Variants in NUP210L observed in about 807,000 individuals in gnomAD.
NUP210L encodes nuclear pore membrane glycoprotein 210-like.
NUP210L carries 74 observed loss-of-function variants against 208.5 expected under a neutral mutation model. The ratio of observed to expected loss-of-function variants is 0.35; its 90% CI spans 0.29 to 0.43. NUP210L has a LOEUF of 0.43. Ranked by LOEUF, NUP210L falls within the 20% of genes least tolerant of loss-of-function variation. The pLI is 1.00. For missense variants in NUP210L, 1,843 were observed against 2,289.4 expected, an observed-to-expected ratio of 0.81 and a Z score of 3.98; for synonymous variants, 780 against 816.9, an observed-to-expected ratio of 0.95 and a Z score of 0.77.
intron 6 of NUP210L, among the ~76,000 whole-genome samples, chr1:154,137,808 G>T (rs539248552): frequency 7.4e-4 from 113 of 152,294 alleles, no homozygotes; most frequent in Non-Finnish European, 1.1e-3. Flanking sequence ...CAATCTTCCT[G>T]CCTCAGCTTC....
In NUP210L at chr1:154,150,727, C is replaced by CAAAAAAAAAAAAAAAAAAAAAAAAAAA. The variant is rs1156928758; in HGVS notation, c.340+2008_340+2009insTTTTTTTTTTTTTTTTTTTTTTTTTTT. Among the ~76,000 whole-genome samples, 2 of 39,672 alleles carry CAAAAAAAAAAAAAAAAAAAAAAAAAAA rather than the reference C, an allele frequency of 5.0e-5. 1 individual carries two copies. Among genetic ancestry groups the CAAAAAAAAAAAAAAAAAAAAAAAAAAA allele is most frequent in the Non-Finnish European group, 1.1e-4 (2 of 17,588 alleles). 26.0% of individuals were successfully genotyped at this position (39,672 alleles called of 152,430 possible). On this transcript the variant is annotated intron_variant, in intron 2 of 39. Transcript: ENST00000368559. ...TGGATAACACAGCAAGACTCCATCT[C>CAAAAAAAAAAAAAAAAAAAAAAAAAAA]AAAAAAAAAAAAAAAAAAAAAGGAC...
At chr1:154,056,718 C>T in intron 23 of NUP210L, 97 bp downstream of exon 23, 1 of 1,279,006 alleles carries the variant, frequency 7.8e-7, no homozygotes, top group Non-Finnish European at 1.1e-6. Flanking sequence ...CTGTGCCCAG[C>T]CAGTCAAATG....
chr1:154,015,318 GCAAA>G (rs1242126312), intron 33 of NUP210L, among the ~76,000 whole-genome samples: 2 of 151,202 alleles, frequency 1.3e-5, no homozygotes, highest in African/African-American at 2.4e-5. Context: ...AGATGTGGTG[GCAAA>G]CACCTGTAAT....
intron 15 of NUP210L, among the ~76,000 whole-genome samples, chr1:154,091,233 C>A (rs1655896835): frequency 6.6e-6 from 1 of 151,252 alleles, no homozygotes; most frequent in South Asian, 2.1e-4. Context: ...GTAGCTAAGA[C>A]TACAGGCACG....
At position 154,104,178 on chromosome 1, in the gene NUP210L, CAG is replaced by C. The variant is rs1656627650; in HGVS notation, c.1651_1652del (p.Leu551ValfsTer6). The C allele has an allele frequency of 6.2e-7, 1 of 1,613,742 alleles. No individual in the cohort carries two copies. ...TCTCCACATCAGCATGAAATGGTAA[CAG>C]TTCCATTTTGTTCAGTTTCAGGACA... On this transcript the variant is annotated frameshift_variant, in exon 13 of 40. Coordinates refer to ENST00000368559, the Ensembl canonical transcript of NUP210L. LOFTEE classifies it high-confidence loss of function.
intron 16 of NUP210L, among the ~76,000 whole-genome samples, chr1:154,082,474 G>A (rs1402527455): frequency 6.6e-5 from 10 of 152,158 alleles, no homozygotes. Context: ...AATAGTTAGA[G>A]CTTGTAGATA....
At chr1:154,065,971 CTCAAAA>C (rs1205009252) in intron 17 of NUP210L, among the ~76,000 whole-genome samples, 4 of 148,134 alleles carry the variant, frequency 2.7e-5, no homozygotes, top group African/African-American at 9.9e-5. Flanking sequence ...AAGAAACTCA[CTCAAAA>C]TCGCACAACT....
chr1:154,106,236 G>A (rs1353163479), intron 12 of NUP210L, among the ~76,000 whole-genome samples: 7 of 152,050 alleles, frequency 4.6e-5, no homozygotes, highest in African/African-American at 1.7e-4. Flanking sequence ...ACTCCAGCCT[G>A]GGTGACAGAG....
chr1:154,109,652 C>T (rs752250786), intron 12 of NUP210L, among the ~76,000 whole-genome samples: 2 of 151,318 alleles, frequency 1.3e-5, no homozygotes, highest in Non-Finnish European at 2.9e-5. Context: ...ACGTTAGGTC[C>T]AAAACAATTG....
rs554100249 is a variant in NUP210L, at chr1:154,085,737, G to C, written c.2361+3684C>G. 2.0e-5 allele frequency among the ~76,000 whole-genome samples: 3 copies of C among 152,250 alleles called. No homozygotes were observed. The East Asian group carries it at 5.8e-4, about 29-fold the overall frequency. On this transcript the variant is annotated intron_variant, in intron 16 of 39. Coordinates refer to ENST00000368559, the Ensembl canonical transcript of NUP210L. ...CCTCAAAACTTACTACAAAACTACA[G>C]TGATCAAGACAGTGTGGTACTGACA...
At chr1:154,026,909 C>A (rs1651909178) in intron 29 of NUP210L, among the ~76,000 whole-genome samples, 1 of 151,468 alleles carries the variant, frequency 6.6e-6, no homozygotes, top group Non-Finnish European at 1.5e-5. Flanking sequence ...ATGGTGAAAC[C>A]CCATCTCTAC....
intron 37 of NUP210L, among the ~76,000 whole-genome samples, chr1:153,998,540 C>T (rs1249952829): frequency 3.0e-5 from 4 of 134,252 alleles, no homozygotes; most frequent in Non-Finnish European, 3.1e-5. Flanking sequence ...GGCGACAGAG[C>T]GAGGTTCTGT....
At chr1:154,002,228 T>G (rs1336484440) in intron 35 of NUP210L, among the ~76,000 whole-genome samples, 1 of 152,158 alleles carries the variant, frequency 6.6e-6, no homozygotes, top group Non-Finnish European at 1.5e-5. Context: ...TTCTTTCTTT[T>G]TTTTGGAGAC....
intron 12 of NUP210L, among the ~76,000 whole-genome samples, chr1:154,110,741 G>A (rs1188911410): frequency 6.6e-6 from 1 of 151,284 alleles, no homozygotes; most frequent in African/African-American, 2.5e-5. Context: ...CAGCTGGCGT[G>A]GTGGTGTTCA....
In NUP210L at chr1:154,149,087, C is replaced by CTTTTTTTT. The variant is rs770217261; in HGVS notation, c.340+3641_340+3648dup. 4.0e-4 allele frequency among the ~76,000 whole-genome samples: 48 copies of CTTTTTTTT among 119,340 alleles called. 4 individuals are homozygous for CTTTTTTTT. In the East Asian group the frequency reaches 5.6e-3, roughly 14 times the overall value. 78.3% of individuals were successfully genotyped at this position (119,340 alleles called of 152,430 possible). A position where few individuals can be genotyped will look rare whatever the true frequency, so the allele number is the denominator to read the frequency against. ...ACTACTTCAACAGCAGAAAACTTCT[C>CTTTTTTTT]TTTTTTTTTTTTCCTGAGAAGGAGT... On this transcript the variant is annotated intron_variant, in intron 2 of 39. Transcript: ENST00000368559.
At chr1:154,011,004 C>G (rs1650881247) in intron 34 of NUP210L, among the ~76,000 whole-genome samples, 1 of 152,058 alleles carries the variant, frequency 6.6e-6, no homozygotes, top group South Asian at 2.1e-4. Context: ...CCCCAAATCC[C>G]TAGAACTTCA....
intron 10 of NUP210L, among the ~76,000 whole-genome samples, chr1:154,123,871 G>C (rs1379015077): frequency 6.8e-6 from 1 of 146,428 alleles, no homozygotes; most frequent in Non-Finnish European, 1.5e-5. Context: ...GAGTGAGACT[G>C]TCTCAATTAA....
At chr1:154,133,413 C>T (rs569282903) in intron 7 of NUP210L, among the ~76,000 whole-genome samples, 4 of 151,844 alleles carry the variant, frequency 2.6e-5, no homozygotes, top group East Asian at 1.9e-4. Context: ...TAGTATGGCA[C>T]GGTGGTGTAT....
At chr1:154,002,605 C>A (rs752524123) in intron 35 of NUP210L, among the ~76,000 whole-genome samples, 23 of 151,500 alleles carry the variant, frequency 1.5e-4, no homozygotes, top group Non-Finnish European at 3.1e-4. Flanking sequence ...AGCTTGGGGA[C>A]AGAGCAAGAC....
Sources: allele counts gnomAD v4.1 joint callset (sites outside exome capture counted in the v4.1 genomes callset), GRCh38; gene constraint gnomAD v4.1.1; transcripts MANE v1.5; gene names NCBI Gene and HGNC (gene_info 2026-07-23, HGNC 2026-07-21).